The following ACTR5 variants were observed in gnomAD, a reference collection of about 807,000 sequenced individuals.
The protein encoded by ACTR5 is actin related protein 5, also known as actin-related protein 5.
In ACTR5, 43 loss-of-function variants were observed where a neutral mutation model predicts 61.2. That is an observed-to-expected ratio of 0.70 (90% CI 0.55 to 0.91). ACTR5 has a LOEUF of 0.91. ACTR5 is among the 40% of genes least tolerant of loss of function. ACTR5 has a pLI of 0.00. For missense variants in ACTR5, 798 were observed against 782.2 expected (o/e 1.02, Z -0.24); for synonymous variants, 333 against 310.5 (o/e 1.07, Z -0.76).
At position 38,767,549 on chromosome 20, in the gene ACTR5, A is replaced by C. The variant is rs1370564302; in HGVS notation, c.1519A>C (p.Met507Leu). ...NTMYPGMKAR[M>L]EKELLEMRPF... ...GATGTATCCTGGCATGAAAGCCAGA[A>C]TGGAGAAGGAACTGTTGGAGATGAG... Residue 507 changes from methionine to leucine, a missense_variant, in exon 8 of 9, where the codon ATG becomes CTG. By Grantham distance (15) the Met-to-Leu change is conservative. Coordinates refer to ENST00000243903, the MANE Select transcript of ACTR5 (RefSeq NM_024855.4). The C allele has an allele frequency of 6.2e-7, 1 of 1,614,154 alleles. No individual in the cohort carries two copies. Among genetic ancestry groups the C allele is most frequent in the Admixed American group, 1.7e-5 (1 of 60,026 alleles).
intron 3 of ACTR5, 133 bp downstream of exon 3, chr20:38,752,433 A>G (rs1461434421): frequency 9.7e-7 from 1 of 1,032,810 alleles, no homozygotes; most frequent in East Asian, 2.7e-5. Flanking sequence ...CCTTTCTTAA[A>G]CTATTCAGTA....
intron 1 of ACTR5, 93 bp from the exon 2 acceptor site, chr20:38,749,917 A>G: frequency 3.6e-6 from 4 of 1,110,472 alleles, no homozygotes; most frequent in Non-Finnish European, 3.9e-6. Flanking sequence ...CCAAAAGCAA[A>G]TTCAGTCCTG....
Position 38,771,963 on chromosome 20 carries a change from T to C in ACTR5, c.*147T>C. ...TGGATTTCTCCTGGGGAGAACAAAG[T>C]TAAGGGACACTGAGACCTGCCCTTC... On this transcript the variant is annotated 3_prime_UTR_variant, in exon 9 of 9. Transcript: ENST00000243903. 1 of 1,185,582 alleles carries C rather than the reference T, an allele frequency of 8.4e-7. No individual in the cohort carries two copies. The highest frequency in any genetic ancestry group is 1.2e-6 in the Non-Finnish European group (1 of 869,300). The allele number at this position is 1,185,582 out of a possible 1,614,324, so 73.4% of individuals were successfully genotyped here. A position where few individuals can be genotyped will look rare whatever the true frequency, so the allele number is the denominator to read the frequency against.
chr20:38,766,512 G>C lies in ACTR5; in HGVS notation c.1433+135G>C, dbSNP rs532990600. On this transcript the variant is annotated intron_variant, in intron 7 of 8. Coordinates refer to ENST00000243903, the MANE Select transcript of ACTR5 (RefSeq NM_024855.4). Reference sequence around the variant, plus strand: ...TCTTTTCATTGACTTGCTGTGCTCAGATAGTATTCCCTTCATCTCTTATCA... The same window carrying C: ...TCTTTTCATTGACTTGCTGTGCTCACATAGTATTCCCTTCATCTCTTATCA... The C allele has an allele frequency of 1.7e-5, 20 of 1,179,460 alleles. No individual in the cohort carries two copies. In the South Asian group the frequency reaches 2.6e-4, roughly 15 times the overall value. The allele number at this position is 1,179,460 out of a possible 1,614,324, so 73.1% of individuals were successfully genotyped here. A position where few individuals can be genotyped will look rare whatever the true frequency, so the allele number is the denominator to read the frequency against.
chr20:38,759,436 GA>G (rs1456133847), intron 5 of ACTR5, among the ~76,000 whole-genome samples: 3 of 152,208 alleles, frequency 2.0e-5, no homozygotes, highest in Admixed American at 6.5e-5. Context: ...TCTCTGTGTT[GA>G]AATGATCAGC....
At chr20:38,767,947 G>T (rs747273910) in intron 8 of ACTR5, among the ~76,000 whole-genome samples, 10 of 152,194 alleles carry the variant, frequency 6.6e-5, no homozygotes, top group Non-Finnish European at 1.5e-4. Context: ...GGGCACAGGG[G>T]CCAGAAGCTT....
At chr20:38,760,167 A>G (rs937430330) in intron 5 of ACTR5, among the ~76,000 whole-genome samples, 1 of 150,874 alleles carries the variant, frequency 6.6e-6, no homozygotes, top group Admixed American at 6.6e-5. Context: ...AAAAAAAAAG[A>G]AAAGGAAGAT....
At chr20:38,768,273 A>G (rs2084500010) in intron 8 of ACTR5, among the ~76,000 whole-genome samples, 1 of 152,136 alleles carries the variant, frequency 6.6e-6, no homozygotes, top group Non-Finnish European at 1.5e-5. Context: ...AGCGCCCGAC[A>G]GTGGGCCTGC....
chr20:38,765,622 A>C (rs2084481810), intron 6 of ACTR5, 104 bp downstream of exon 6: 4 of 930,486 alleles, frequency 4.3e-6, no homozygotes, highest in Non-Finnish European at 6.7e-6. Context: ...TGTTTTTTAG[A>C]AAATTGGGTA....
intron 1 of ACTR5, 106 bp downstream of exon 1, chr20:38,748,959 G>A: frequency 7.2e-7 from 1 of 1,391,344 alleles, no homozygotes; most frequent in Non-Finnish European, 9.6e-7. Context: ...CAGTAGCTCC[G>A]ATTGTCTTTT....
chr20:38,767,572 G>A lies in ACTR5; in HGVS notation c.1542G>A (p.Met514Ile). The stretch of plus-strand genomic sequence containing the variant: ...GAATGGAGAAGGAACTGTTGGAGAT[G>A]AGACCCTTCCGGTCTTCTTTTCAGG... ...KARMEKELLE[M>I]RPFRSSFQVQ... The change falls in exon 8 of 9, where the codon ATG (methionine) becomes ATA (isoleucine). Residue 514 changes from methionine to isoleucine, a missense_variant. Transcript: ENST00000243903. The A allele has an allele frequency of 6.2e-7, 1 of 1,613,902 alleles. No individual in the cohort carries two copies. Among genetic ancestry groups the A allele is most frequent in the South Asian group, 1.1e-5 (1 of 91,052 alleles).
intron 2 of ACTR5, 57 bp from the exon 3 acceptor site, chr20:38,752,074 G>C (rs2084390418): frequency 1.9e-6 from 3 of 1,553,484 alleles, no homozygotes; most frequent in Non-Finnish European, 2.6e-6. Flanking sequence ...CTCCCAAGAT[G>C]CTCCATATTT....
intron 8 of ACTR5, among the ~76,000 whole-genome samples, chr20:38,770,409 T>C (rs1021659204): frequency 6.6e-6 from 1 of 152,228 alleles, no homozygotes; most frequent in South Asian, 2.1e-4. Context: ...CTGCGAGCAA[T>C]GTTCTTTGTA....
chr20:38,752,487 C>G (rs1287571568), intron 3 of ACTR5, among the ~76,000 whole-genome samples, 187 bp downstream of exon 3: 1 of 152,170 alleles, frequency 6.6e-6, no homozygotes, highest in Non-Finnish European at 1.5e-5. Context: ...CAAATGGTAG[C>G]TTTTATAACT....
intron 5 of ACTR5, among the ~76,000 whole-genome samples, chr20:38,759,323 T>TCAGAAAC (rs2084439469): frequency 6.6e-6 from 1 of 152,204 alleles, no homozygotes; most frequent in Non-Finnish European, 1.5e-5. Context: ...ACAGTCATAT[T>TCAGAAAC]AGTGTTTCTG....
In ACTR5 at chr20:38,755,601, CA is replaced by C. The variant is rs879421509; in HGVS notation, c.994-245del. Among the ~76,000 whole-genome samples the C allele has an allele frequency of 5.5e-3, 770 of 141,066 alleles. 9 individuals are homozygous for C. Among genetic ancestry groups the C allele is most frequent in the African/African-American group, 0.017 (638 of 38,644 alleles). 92.5% of individuals were successfully genotyped at this position (141,066 alleles called of 152,430 possible). Reference sequence around the variant, plus strand: ...CCTTCCTTCACATCCCCCGCCCCACCAAAAAAAAAAAGGGTAACAACCTTTT... The same window carrying C: ...CCTTCCTTCACATCCCCCGCCCCACCAAAAAAAAAAGGGTAACAACCTTTT... On this transcript the variant is annotated intron_variant, in intron 4 of 8. Transcript: ENST00000243903.
chr20:38,760,159 A>C lies in ACTR5; in HGVS notation c.1176+4120A>C, dbSNP rs185451177. 2.1e-3 allele frequency among the ~76,000 whole-genome samples: 325 copies of C among 152,052 alleles called. 5 individuals are homozygous for C. The highest frequency in any genetic ancestry group is 7.6e-3 in the African/African-American group (314 of 41,428). On this transcript the variant is annotated intron_variant, in intron 5 of 8. Coordinates refer to ENST00000243903, the MANE Select transcript of ACTR5 (RefSeq NM_024855.4). ...ACAGAACAAGACCCTGTCTAAAAAAAAAAAAAGAAAAGGAAGATTATTTGA... is the reference window on the plus strand; with the variant it reads ...ACAGAACAAGACCCTGTCTAAAAAACAAAAAAGAAAAGGAAGATTATTTGA...
rs1317630144 is a variant in ACTR5, at chr20:38,767,539, G to A, written c.1509G>A (p.Met503Ile). 4.3e-6 allele frequency: 7 copies of A among 1,614,020 alleles called. No homozygotes were observed. Among genetic ancestry groups the A allele is most frequent in the Non-Finnish European group, 5.9e-6 (7 of 1,180,006 alleles). ...LTGGNTMYPG[M>I]KARMEKELLE... Reference sequence around the variant, plus strand: ...GCGGCAACACGATGTATCCTGGCATGAAAGCCAGAATGGAGAAGGAACTGT... The same window carrying A: ...GCGGCAACACGATGTATCCTGGCATAAAAGCCAGAATGGAGAAGGAACTGT... Residue 503 changes from methionine to isoleucine, a missense_variant, in exon 8 of 9, where the codon ATG becomes ATA. Met to Ile is a conservative substitution (Grantham distance 10). Coordinates refer to ENST00000243903, the MANE Select transcript of ACTR5 (RefSeq NM_024855.4).
intron 4 of ACTR5, 47 bp from the exon 5 acceptor site, chr20:38,755,810 G>T: frequency 6.2e-7 from 1 of 1,607,058 alleles, no homozygotes; most frequent in South Asian, 1.1e-5. Context: ...TTCTCCGTTT[G>T]GCTTTGAAGC....
Sources: allele counts gnomAD v4.1 joint callset (sites outside exome capture counted in the v4.1 genomes callset), GRCh38; gene constraint gnomAD v4.1.1; transcripts MANE v1.5; gene names NCBI Gene and HGNC (gene_info 2026-07-23, HGNC 2026-07-21).